FRMD4B: variants seen among roughly 807,000 people sequenced by gnomAD.
FRMD4B encodes the protein FERM domain containing 4B.
Under a neutral mutation model 141.5 loss-of-function variants are expected in FRMD4B, and 74 were observed. The observed-to-expected ratio is 0.52, with a 90% CI of 0.43 to 0.63. The LOEUF is 0.63. FRMD4B is among the 30% of genes least tolerant of loss of function. The pLI is 0.00. For missense variants in FRMD4B, 1,366 were observed against 1,253.4 expected (o/e 1.09, Z -1.36); for synonymous variants, 506 against 467.9 (o/e 1.08, Z -1.05).
At chr3:69,342,787 T>G (rs1304516156) in intron 1 of FRMD4B, among the ~76,000 whole-genome samples, 1 of 152,154 alleles carries the variant, frequency 6.6e-6, no homozygotes, top group East Asian at 1.9e-4. Context: ...ATCCTCCTAT[T>G]TGAAACTATA....
At chr3:69,225,519 C>CAAAAA (rs35855787) in intron 7 of FRMD4B, among the ~76,000 whole-genome samples, 7 of 50,578 alleles carry the variant, frequency 1.4e-4, no homozygotes, top group African/African-American at 1.7e-4. Context: ...ACTAAAAATA[C>CAAAAA]AAAAAAAAAA....
chr3:69,260,258 G>A (rs1173202573), intron 5 of FRMD4B, among the ~76,000 whole-genome samples: 2 of 152,192 alleles, frequency 1.3e-5, no homozygotes, highest in African/African-American at 2.4e-5. Context: ...CTTGCGGGGA[G>A]GTGTGGAGGG....
At chr3:69,187,559 A>ATATATATACATATATATATATG (rs1286449300) in intron 19 of FRMD4B, among the ~76,000 whole-genome samples, 2 of 146,592 alleles carry the variant, frequency 1.4e-5, no homozygotes, top group African/African-American at 5.0e-5. Context: ...AAAAATATAT[A>ATATATATACATATATATATATG]TATATATACA....
At chr3:69,378,271 G>A (rs1460809452) in intron 1 of FRMD4B, among the ~76,000 whole-genome samples, 1 of 152,308 alleles carries the variant, frequency 6.6e-6, no homozygotes, top group African/African-American at 2.4e-5. Context: ...TGGTTTGCCT[G>A]GCCCCTTTGG....
intron 11 of FRMD4B, among the ~76,000 whole-genome samples, chr3:69,203,149 T>C (rs1270274216): frequency 6.6e-6 from 1 of 151,576 alleles, no homozygotes; most frequent in African/African-American, 2.4e-5. Flanking sequence ...GTTTATTTAA[T>C]GAAATGAATG....
At chr3:69,210,708 G>A (rs994467023) in intron 11 of FRMD4B, among the ~76,000 whole-genome samples, 19 of 152,022 alleles carry the variant, frequency 1.2e-4, no homozygotes, top group African/African-American at 3.1e-4. Context: ...ACACATCTCC[G>A]AAAACAGAAA....
rs577719136 is a variant in FRMD4B at position 69,498,498 on chromosome 3, T to C, written c.-129+43708A>G. Among the ~76,000 whole-genome samples the C allele has an allele frequency of 5.9e-5, 9 of 152,338 alleles. No homozygotes were observed. In the South Asian group the frequency reaches 1.9e-3, roughly 32 times the overall value. On this transcript the variant is annotated intron_variant, in intron 1 of 5. Transcript: ENST00000459638. ...AAGGATAAGAATATGAGAATAGTTG[T>C]GCAAATATAGCATGCTCTTCAAGGT...
intron 1 of FRMD4B, among the ~76,000 whole-genome samples, chr3:69,522,161 T>C (rs532792724): frequency 1.7e-3 from 260 of 152,254 alleles, no homozygotes; most frequent in African/African-American, 6.0e-3. Context: ...TAGTAAGTCA[T>C]GCTACTGTCC....
chr3:69,311,606 T>C (rs965784655), intron 2 of FRMD4B, among the ~76,000 whole-genome samples: 4 of 152,154 alleles, frequency 2.6e-5, no homozygotes, highest in African/African-American at 9.7e-5. Context: ...CTCAAGTACC[T>C]TACATTTTCC....
intron 1 of FRMD4B, among the ~76,000 whole-genome samples, chr3:69,461,857 T>C (rs1559534520): frequency 1.3e-5 from 2 of 152,126 alleles, no homozygotes. Context: ...AGAGTGCCAC[T>C]TTCCCTCTCA....
At chr3:69,469,733 C>T (rs1705856435) in intron 1 of FRMD4B, among the ~76,000 whole-genome samples, 2 of 152,148 alleles carry the variant, frequency 1.3e-5, no homozygotes, top group Admixed American at 6.5e-5. Flanking sequence ...AATGATAGTG[C>T]TAAGAGCACA....
chr3:69,317,754 C>CAAAAAAAA (rs765280161), intron 1 of FRMD4B, among the ~76,000 whole-genome samples: 9 of 52,596 alleles, frequency 1.7e-4, no homozygotes, highest in African/African-American at 4.8e-4. Context: ...GACACCAACT[C>CAAAAAAAA]AAAAAAAAAA....
intron 3 of FRMD4B, among the ~76,000 whole-genome samples, chr3:69,309,148 G>T (rs1321248058): frequency 6.6e-6 from 1 of 151,964 alleles, no homozygotes; most frequent in Non-Finnish European, 1.5e-5. Flanking sequence ...TTTAGAGATG[G>T]GTTCTTGCTC....
At chr3:69,434,375 T>A (rs184020621) in intron 1 of FRMD4B, among the ~76,000 whole-genome samples, 1 of 152,262 alleles carries the variant, frequency 6.6e-6, no homozygotes, top group Non-Finnish European at 1.5e-5. Context: ...GATGCTATTA[T>A]ACTAGGAATA....
chr3:69,265,945 C>T (rs1010349913), intron 5 of FRMD4B, among the ~76,000 whole-genome samples: 4 of 151,914 alleles, frequency 2.6e-5, no homozygotes, highest in African/African-American at 9.7e-5. Flanking sequence ...GCCTGTAATC[C>T]TAGCACTTTG....
intron 1 of FRMD4B, among the ~76,000 whole-genome samples, chr3:69,452,335 G>T (rs1256706196): frequency 6.6e-6 from 1 of 152,220 alleles, no homozygotes; most frequent in East Asian, 1.9e-4. Flanking sequence ...AACAGGATTG[G>T]CATGCTTAAG....
intron 1 of FRMD4B, among the ~76,000 whole-genome samples, chr3:69,490,999 C>T (rs1413816112): frequency 6.6e-6 from 1 of 152,162 alleles, no homozygotes; most frequent in African/African-American, 2.4e-5. Context: ...CCCCGAGAGA[C>T]TGATTCCAGA....
intron 3 of FRMD4B, among the ~76,000 whole-genome samples, chr3:69,309,141 AG>A (rs1345250111): frequency 6.6e-6 from 1 of 152,026 alleles, no homozygotes; most frequent in Non-Finnish European, 1.5e-5. Flanking sequence ...TTCTATTTTT[AG>A]AGATGGGTTC....
intron 1 of FRMD4B, among the ~76,000 whole-genome samples, chr3:69,382,563 A>C (rs1400401006): frequency 6.6e-6 from 1 of 151,944 alleles, no homozygotes; most frequent in Non-Finnish European, 1.5e-5. Context: ...AAAGTAGTGA[A>C]TTTTTTTCCC....
Sources: allele counts gnomAD v4.1 joint callset (sites outside exome capture counted in the v4.1 genomes callset), GRCh38; gene constraint gnomAD v4.1.1; transcripts MANE v1.5; gene names NCBI Gene and HGNC (gene_info 2026-07-23, HGNC 2026-07-21).